The following PRKN variants were observed in gnomAD, a reference collection of about 807,000 sequenced individuals.
The protein encoded by PRKN is E3 ubiquitin-protein ligase parkin.
A neutral mutation model predicts 59.5 loss-of-function variants in PRKN; 56 were observed. That is an observed-to-expected ratio of 0.94 (90% CI 0.76 to 1.18). PRKN has a LOEUF of 1.18. Among genes scored for constraint, PRKN ranks in the 50% most tolerant of loss-of-function variants. PRKN has a pLI of 0.00. For missense variants in PRKN, 657 were observed against 596.4 expected, an observed-to-expected ratio of 1.10 and a Z score of -1.06; for synonymous variants, 250 against 222.1, an observed-to-expected ratio of 1.13 and a Z score of -1.12.
intron 6 of PRKN, among the ~76,000 whole-genome samples, chr6:161,916,644 T>C (rs1476985904): frequency 6.6e-6 from 1 of 152,206 alleles, no homozygotes; most frequent in African/African-American, 2.4e-5. Flanking sequence ...TTTTCCCTGA[T>C]ATTTGCTCTT....
In PRKN at chr6:161,564,222, C is replaced by T. The variant is rs545108792; in HGVS notation, c.933+5133G>A. On this transcript the variant is annotated intron_variant, in intron 8 of 11. Coordinates refer to ENST00000366898, the MANE Select transcript of PRKN (RefSeq NM_004562.3). ...CTTCCTCTCGGGAGCCTCATTGCCA[C>T]CATCTGCCTAGAGGCCAGTAGGTCT... 2.0e-5 allele frequency among the ~76,000 whole-genome samples: 3 copies of T among 152,304 alleles called. No individual in the cohort carries two copies. The East Asian group carries it at 5.8e-4, about 29-fold the overall frequency.
intron 6 of PRKN, among the ~76,000 whole-genome samples, chr6:161,950,097 A>C (rs955212855): frequency 1.3e-5 from 2 of 152,228 alleles, no homozygotes; most frequent in Admixed American, 6.5e-5. Flanking sequence ...AAGTAAGAAG[A>C]AGCCAACAGT....
intron 2 of PRKN, among the ~76,000 whole-genome samples, chr6:162,415,746 G>A (rs776820886): frequency 3.3e-5 from 5 of 152,138 alleles, no homozygotes; most frequent in Non-Finnish European, 7.3e-5. Context: ...GAACCCGGGA[G>A]GCAGAGGATG....
At chr6:162,671,893 G>A (rs960529977) in intron 1 of PRKN, among the ~76,000 whole-genome samples, 31 of 152,192 alleles carry the variant, frequency 2.0e-4, no homozygotes, top group Middle Eastern at 3.4e-3. Flanking sequence ...GGGGAGGTAG[G>A]TTGGATGAGG....
At chr6:161,805,990 G>A (rs984917638) in intron 6 of PRKN, among the ~76,000 whole-genome samples, 6 of 152,194 alleles carry the variant, frequency 3.9e-5, no homozygotes, top group Non-Finnish European at 7.3e-5. Context: ...TAGGGTCGAC[G>A]AGTTCTTCCC....
Position 161,360,135 on chromosome 6 carries a change from T to G in PRKN, c.1238A>C (p.Lys413Thr), listed in dbSNP as rs1294618455. Residue 413 changes from lysine (K) to threonine (T), a missense_variant, in exon 11 of 12, where the codon AAA (lysine) becomes ACA (threonine). Lys to Thr is a moderately conservative substitution (Grantham distance 78, BLOSUM62 -1). Coordinates refer to ENST00000366898, the MANE Select transcript of PRKN (RefSeq NM_004562.3). This position sits in a 1 kb window ranked among gnomAD's most constrained non-coding sequence, Gnocchi z 5.1. ...WEAASKETIK[K>T]TTKPCPRCHV... is the part of the protein sequence containing the mutation. ...GCAGCGGGGACAGGGCTTGGTGGTTTTCTTGATGGTTTCTTTGGAGGCTGC... is the reference window on the plus strand; with the variant it reads ...GCAGCGGGGACAGGGCTTGGTGGTTGTCTTGATGGTTTCTTTGGAGGCTGC... 2 of 1,614,086 alleles carry G rather than the reference T, an allele frequency of 1.2e-6. No homozygotes were observed. The highest frequency in any genetic ancestry group is 1.7e-6 in the Non-Finnish European group (2 of 1,180,050).
intron 2 of PRKN, among the ~76,000 whole-genome samples, chr6:162,400,921 T>C (rs1356615500): frequency 1.3e-5 from 2 of 152,022 alleles, no homozygotes; most frequent in Non-Finnish European, 2.9e-5. Context: ...AAAAATAACG[T>C]GTTATTAATT....
intron 5 of PRKN, among the ~76,000 whole-genome samples, chr6:161,978,430 A>G (rs1490624642): frequency 6.6e-6 from 1 of 152,200 alleles, no homozygotes; most frequent in African/African-American, 2.4e-5. Flanking sequence ...TGTATTCAAA[A>G]CCAGCAGACA....
At chr6:161,656,248 G>GC (rs1784347740) in intron 7 of PRKN, among the ~76,000 whole-genome samples, 1 of 152,222 alleles carries the variant, frequency 6.6e-6, no homozygotes, top group Admixed American at 6.5e-5. Flanking sequence ...GGCCCCTGCT[G>GC]CATCTTTGAG....
intron 2 of PRKN, among the ~76,000 whole-genome samples, chr6:162,354,987 C>A (rs941125628): frequency 1.3e-4 from 19 of 151,790 alleles, no homozygotes; most frequent in Non-Finnish European, 1.5e-5. Context: ...GTTACTCTCA[C>A]TTAAAAGAAT....
intron 1 of PRKN, among the ~76,000 whole-genome samples, chr6:162,469,546 G>A (rs1036943217): frequency 5.3e-5 from 8 of 151,510 alleles, no homozygotes; most frequent in African/African-American, 1.7e-4. Flanking sequence ...ATACTACTCA[G>A]CCATTAAAAG....
chr6:162,212,672 T>C (rs183555370), intron 3 of PRKN, among the ~76,000 whole-genome samples: 1 of 152,284 alleles, frequency 6.6e-6, no homozygotes, highest in Admixed American at 6.5e-5. Flanking sequence ...GGATATATTC[T>C]GAGAAATGTG....
chr6:162,134,941 T>C (rs953522989), intron 4 of PRKN, among the ~76,000 whole-genome samples: 38 of 152,278 alleles, frequency 2.5e-4, no homozygotes, highest in Admixed American at 1.2e-3. Flanking sequence ...ACTGAAACTA[T>C]GACAAGCCAA....
chr6:162,711,154 G>C (rs909902170), intron 1 of PRKN, among the ~76,000 whole-genome samples: 2 of 152,214 alleles, frequency 1.3e-5, no homozygotes, highest in East Asian at 1.9e-4. Context: ...CTCTGTATGA[G>C]AGCTCTGACC....
At chr6:162,300,599 G>C (rs1781899933) in intron 2 of PRKN, among the ~76,000 whole-genome samples, 1 of 151,938 alleles carries the variant, frequency 6.6e-6, no homozygotes, top group South Asian at 2.1e-4. Flanking sequence ...AGGAGGCCTG[G>C]AACCAACCAA....
rs1779722881 is a variant in PRKN at position 161,544,405 on chromosome 6, G to A, written c.1083+4449C>T. Among the ~76,000 whole-genome samples the A allele has an allele frequency of 1.3e-5, 2 of 152,252 alleles. No individual in the cohort carries two copies. The highest frequency in any genetic ancestry group is 4.1e-4 in the South Asian group (2 of 4,824). ...GCTCTTTGTTGGGGCAAGGTAAGCA[G>A]TTCTAATACTGGGATAAATGATGAT... On this transcript the variant is annotated intron_variant, in intron 9 of 11. Coordinates refer to ENST00000366898, the MANE Select transcript of PRKN (RefSeq NM_004562.3). The surrounding 1 kb of genome is among the most constrained non-coding windows in gnomAD (Gnocchi z 5.5).
chr6:161,877,099 C>T (rs141318316), intron 6 of PRKN, among the ~76,000 whole-genome samples: 11 of 152,228 alleles, frequency 7.2e-5, no homozygotes, highest in African/African-American at 1.9e-4. Context: ...TATGTAGTCC[C>T]GACCTTCCCT....
At position 162,294,096 on chromosome 6, in the gene PRKN, C is replaced by T. The variant is rs935577443; in HGVS notation, c.172-31331G>A. The stretch of plus-strand genomic sequence containing the variant: ...AGAGATCAGAAGGGGCCATGCAACC[C>T]GGCTGAATAGAGAGGCATCATTGGG... On this transcript the variant is annotated intron_variant, in intron 2 of 11. Transcript: ENST00000366898. Among the ~76,000 whole-genome samples the T allele has an allele frequency of 6.1e-4, 79 of 129,850 alleles. 1 individual carries two copies. Among genetic ancestry groups the T allele is most frequent in the African/African-American group, 2.4e-3 (71 of 29,314 alleles). 85.2% of individuals were successfully genotyped at this position (129,850 alleles called of 152,430 possible).
chr6:161,852,575 T>A (rs1360354471), intron 6 of PRKN, among the ~76,000 whole-genome samples: 1 of 152,112 alleles, frequency 6.6e-6, no homozygotes, highest in Non-Finnish European at 1.5e-5. Context: ...AACACTCAAT[T>A]CAAGGTAAAC....
Sources: allele counts gnomAD v4.1 joint callset (sites outside exome capture counted in the v4.1 genomes callset), GRCh38; gene constraint gnomAD v4.1.1; non-coding constraint Gnocchi (gnomAD v3.1); transcripts MANE v1.5; gene names NCBI Gene and HGNC (gene_info 2026-07-23, HGNC 2026-07-21).